The following ABCC5 variants were observed in gnomAD, a reference collection of about 807,000 sequenced individuals.
The protein encoded by ABCC5 is ATP binding cassette subfamily C member 5, also known as ATP-binding cassette sub-family C member 5.
ABCC5 carries 61 observed loss-of-function variants against 160.9 expected under a neutral mutation model. That is an observed-to-expected ratio of 0.38 (90% CI 0.31 to 0.47). ABCC5 has a LOEUF of 0.47. Ranked by LOEUF, ABCC5 falls within the 20% of genes least tolerant of loss-of-function variation. The pLI is 0.99. For synonymous variants in ABCC5, 666 were observed against 700.6 expected, an observed-to-expected ratio of 0.95 and a Z score of 0.78; for missense variants, 1,308 against 1,813.3, an observed-to-expected ratio of 0.72 and a Z score of 5.06.
chr3:183,955,668 A>G (rs1238900876), intron 17 of ABCC5, among the ~76,000 whole-genome samples: 1 of 145,392 alleles, frequency 6.9e-6, no homozygotes, highest in African/African-American at 2.5e-5. Context: ...TTACATGCAG[A>G]TCTGTGTATA....
At chr3:183,969,489 C>T (rs1200449247) in intron 11 of ABCC5, among the ~76,000 whole-genome samples, 7 of 152,020 alleles carry the variant, frequency 4.6e-5, no homozygotes, top group Non-Finnish European at 5.9e-5. Context: ...GTGAGGAGTT[C>T]GAGACCAGCC....
At position 183,967,731 on chromosome 3, in the gene ABCC5, A is replaced by G. The variant is rs1717356155; in HGVS notation, c.1797T>C (p.Ser599=). The change falls in exon 12 of 30, where the codon AGT becomes AGC. Residue 599 remains serine (S), a synonymous_variant. Transcript: ENST00000334444. The part of the protein sequence containing the change: ...KLVGICGSVG[S]GKTSLISAIL... ...TGGCTGAAATGAGAGAGGTTTTTCC[A>G]CTTCCCACACTGCCACAGATTCCAA... 1.2e-6 allele frequency: 2 copies of G among 1,613,962 alleles called. No homozygotes were observed. The highest frequency in any genetic ancestry group is 1.7e-6 in the Non-Finnish European group (2 of 1,179,864).
At chr3:184,005,176 G>T (rs1212248765) in intron 2 of ABCC5, among the ~76,000 whole-genome samples, 1 of 152,148 alleles carries the variant, frequency 6.6e-6, no homozygotes, top group Non-Finnish European at 1.5e-5. Context: ...TGCCTAGTAA[G>T]TGTCTCTCCT....
Position 183,989,350 on chromosome 3 carries a change from G to C in ABCC5, c.163C>G (p.Arg55Gly), listed in dbSNP as rs150868517. The change falls in exon 3 of 30, where the codon CGA becomes GGA. Residue 55 changes from arginine to glycine, a missense_variant. Arg to Gly is a moderately radical substitution (Grantham distance 125, BLOSUM62 -2). Coordinates refer to ENST00000334444, the MANE Select transcript of ABCC5 (RefSeq NM_005688.4). ...GCATCAAGAGAGAGGCCCTCGGCTC[G>C]GGCTGCTGTTTCCAAGGCATCTTGG... ...ECQDALETAA[R>G]AEGLSLDASM... The C allele has an allele frequency of 6.2e-7, 1 of 1,613,698 alleles. No homozygotes were observed. The highest frequency in any genetic ancestry group is 8.5e-7 in the Non-Finnish European group (1 of 1,179,930).
In ABCC5 at chr3:183,963,720, T is replaced by C; in HGVS notation, c.2032-132A>G. The C allele has an allele frequency of 3.8e-6, 3 of 791,230 alleles. No homozygotes were observed. The highest frequency in any genetic ancestry group is 5.6e-6 in the Non-Finnish European group (3 of 532,128). The allele number at this position is 791,230 out of a possible 1,614,324, so 49.0% of individuals were successfully genotyped here. Reference sequence around the variant, plus strand: ...TCAATTCCCCGCAGATGAACTGCCATGCTGATTCCCCGCAGATGAACTGCC... The same window carrying C: ...TCAATTCCCCGCAGATGAACTGCCACGCTGATTCCCCGCAGATGAACTGCC... On this transcript the variant is annotated intron_variant, in intron 14 of 29. Coordinates refer to ENST00000334444, the MANE Select transcript of ABCC5 (RefSeq NM_005688.4). This position sits in a 1 kb window ranked among gnomAD's most constrained non-coding sequence, Gnocchi z 4.6.
rs769397374 is a variant in ABCC5 at position 183,937,895 on chromosome 3, C to T, written c.3854+6G>A. 2.4e-5 allele frequency: 38 copies of T among 1,613,768 alleles called. No individual in the cohort carries two copies. The highest frequency in any genetic ancestry group is 3.1e-5 in the Non-Finnish European group (37 of 1,179,880). On this transcript the variant is annotated splice_donor_region_variant and intron_variant, in intron 26 of 29. Transcript: ENST00000334444. ...GCACGAGACATGCAGGTGCTCAGGT[C>T]CTCACCTGACAGTGCCACTGAACAG...
Position 183,951,705 on chromosome 3 carries a change from A to T in ABCC5, c.2815-135T>A. The T allele has an allele frequency of 6.8e-7, 1 of 1,469,004 alleles. No homozygotes were observed. The highest frequency in any genetic ancestry group is 9.2e-7 in the Non-Finnish European group (1 of 1,085,928). The allele number at this position is 1,469,004 out of a possible 1,614,324, so 91.0% of individuals were successfully genotyped here. ...TCAGGAGGGACAGGTGGCAAGTGAG[A>T]AAAGGTGGAGGCTAACGGAATATGA... On this transcript the variant is annotated intron_variant, in intron 19 of 29. Transcript: ENST00000334444. This position sits in a 1 kb window ranked among gnomAD's most constrained non-coding sequence, Gnocchi z 4.7.
In ABCC5 at chr3:183,969,420, C is replaced by T. The variant is rs370137142; in HGVS notation, c.1762-1654G>A. Among the ~76,000 whole-genome samples the T allele has an allele frequency of 1.1e-4, 17 of 152,298 alleles. No homozygotes were observed. The East Asian group carries it at 1.7e-3, about 16-fold the overall frequency. On this transcript the variant is annotated intron_variant, in intron 11 of 29. Coordinates refer to ENST00000334444, the MANE Select transcript of ABCC5 (RefSeq NM_005688.4). ...GCGTTAACTGAAGTAAGGCCAGATG[C>T]AGCAGCTCACGCCTATAATCCCCAC...
At chr3:183,929,252 G>T (rs571469395) in intron 26 of ABCC5, among the ~76,000 whole-genome samples, 1 of 152,102 alleles carries the variant, frequency 6.6e-6, no homozygotes, top group African/African-American at 2.4e-5. Context: ...GGCCAACATG[G>T]TGAATCCCTG....
chr3:183,978,892 T>C (rs934474106), intron 8 of ABCC5, among the ~76,000 whole-genome samples: 1 of 152,250 alleles, frequency 6.6e-6, no homozygotes, highest in Non-Finnish European at 1.5e-5. Context: ...TGATACCTTT[T>C]TCTGATTCTT....
chr3:183,961,453 G>T, intron 16 of ABCC5, 58 bp downstream of exon 16: 1 of 1,591,470 alleles, frequency 6.3e-7, no homozygotes, highest in South Asian at 1.1e-5. Flanking sequence ...CACTCACTCC[G>T]GCTGTGTTTC....
chr3:183,977,744 A>G, intron 9 of ABCC5, 120 bp from the exon 10 acceptor site: 1 of 660,894 alleles, frequency 1.5e-6, no homozygotes, highest in African/African-American at 1.9e-5. Context: ...AGCTGTTATT[A>G]CAAGTCAATT....
chr3:183,953,100 T>G lies in ABCC5; in HGVS notation c.2653A>C (p.Lys885Gln). 6.2e-7 allele frequency: 1 copy of G among 1,613,874 alleles called. No homozygotes were observed. The highest frequency in any genetic ancestry group is 8.5e-7 in the Non-Finnish European group (1 of 1,179,952). The change falls in exon 18 of 30, where the codon AAG becomes CAG. Residue 885 changes from lysine (K) to glutamine (Q), a missense_variant. Lys to Gln is a moderately conservative substitution (Grantham distance 53). Around this residue, in one of 3 missense-constraint regions of ABCC5, gnomAD observed 1,142 missense variants for 1,527.1 expected, o/e 0.75. Transcript: ENST00000334444. ...FSTWWLSYWI[K>Q]QGSGNTTVTR... is the part of the protein sequence containing the mutation. ...AGTAACCTTACCCCGCTTCCTTGCTTGATCCAGTAACTCAACCACCAGGTG... is the reference window on the plus strand; with the variant it reads ...AGTAACCTTACCCCGCTTCCTTGCTGGATCCAGTAACTCAACCACCAGGTG...
At position 183,982,893 on chromosome 3, in the gene ABCC5, G is replaced by A; in HGVS notation, c.706C>T (p.Leu236Phe). 2 of 1,614,196 alleles carry A rather than the reference G, an allele frequency of 1.2e-6. No homozygotes were observed. Among genetic ancestry groups the A allele is most frequent in the Non-Finnish European group, 1.7e-6 (2 of 1,180,030 alleles). The change falls in exon 6 of 30, where the codon CTT (leucine) becomes TTT (phenylalanine). Residue 236 changes from leucine to phenylalanine, a missense_variant. This residue lies in a region of ABCC5 where 1,142 missense variants were observed against 1,527.1 expected (regional missense o/e 0.75). Transcript: ENST00000334444. This position sits in a 1 kb window ranked among gnomAD's most constrained non-coding sequence, Gnocchi z 5.2. ...LLTEIVRSWS[L>F]ALTWALNYRT... ...TAATTCAATGCCCAAGTCAGTGCAA[G>A]CGACCAAGACCGCACGATTTCCGTC...
chr3:183,935,930 A>G (rs4912515), intron 26 of ABCC5, among the ~76,000 whole-genome samples: 64,634 of 152,114 alleles, frequency 0.42, 14,411 homozygotes, highest in African/African-American at 0.57. Flanking sequence ...ACACCAAAAT[A>G]AACATACTCT....
Position 183,982,858 on chromosome 3 carries a change from A to G in ABCC5, c.741T>C (p.Gly247=), listed in dbSNP as rs778433416. Residue 247 remains glycine (G), a synonymous_variant, in exon 6 of 30, where the codon GGT becomes GGC. Coordinates refer to ENST00000334444, the MANE Select transcript of ABCC5 (RefSeq NM_005688.4). This position sits in a 1 kb window ranked among gnomAD's most constrained non-coding sequence, Gnocchi z 5.2. ...ALTWALNYRT[G]VRLRGAILTM... ...TTAGGATGGCCCCCCGCAAGCGGAC[A>G]CCGGTTCGGTAATTCAATGCCCAAG... is the stretch of plus-strand genomic sequence containing the variant. The G allele has an allele frequency of 6.2e-6, 10 of 1,614,216 alleles. No individual in the cohort carries two copies. The highest frequency in any genetic ancestry group is 8.5e-6 in the Non-Finnish European group (10 of 1,180,042).
At chr3:183,938,232 G>A (rs1290389498) in intron 25 of ABCC5, among the ~76,000 whole-genome samples, 172 bp from the exon 26 acceptor site, 1 of 152,174 alleles carries the variant, frequency 6.6e-6, no homozygotes, top group Non-Finnish European at 1.5e-5. Flanking sequence ...TAACTTTCCT[G>A]AGATACCAGG....
rs535059977 is a variant in ABCC5 at position 183,951,155 on chromosome 3, G to A, written c.2944+286C>T. Among the ~76,000 whole-genome samples, 1 of 152,302 alleles carries A rather than the reference G, an allele frequency of 6.6e-6. No homozygotes were observed. The highest frequency in any genetic ancestry group is 6.5e-5 in the Admixed American group (1 of 15,298). On this transcript the variant is annotated intron_variant, in intron 20 of 29. Transcript: ENST00000334444. This position sits in a 1 kb window ranked among gnomAD's most constrained non-coding sequence, Gnocchi z 4.7. ...AGCCCATACAACAGCCAGAAAACCTGCCAGGTTGTAGGCATCCAGAAACCA... is the reference window on the plus strand; with the variant it reads ...AGCCCATACAACAGCCAGAAAACCTACCAGGTTGTAGGCATCCAGAAACCA...
Position 183,927,259 on chromosome 3 carries a change from C to A in ABCC5, c.4047+71G>T, listed in dbSNP as rs1712676341. The A allele has an allele frequency of 2.7e-6, 4 of 1,474,500 alleles. No individual in the cohort carries two copies. The South Asian group carries it at 4.8e-5, about 18-fold the overall frequency. The allele number at this position is 1,474,500 out of a possible 1,614,324, so 91.3% of individuals were successfully genotyped here. The stretch of plus-strand genomic sequence containing the variant: ...TCAGAGCCAGGAATACCTTTGGACC[C>A]CAGTGTGTCAGGGCAAGGCTGCACT... On this transcript the variant is annotated intron_variant, in intron 28 of 29. Transcript: ENST00000334444.
Sources: gnomAD v4.1 joint callset for allele counts (sites outside exome capture counted in the v4.1 genomes callset) on GRCh38, gnomAD v4.1.1 for gene constraint, gnomAD v4.1.1 regional missense constraint, Gnocchi (gnomAD v3.1) non-coding constraint, MANE v1.5 for transcripts, NCBI Gene and HGNC (gene_info 2026-07-23, HGNC 2026-07-21) for gene names.